Variants in ATF7IP2 observed in about 807,000 individuals in gnomAD.
ATF7IP2 encodes the protein activating transcription factor 7-interacting protein 2.
Under a neutral mutation model 64.2 loss-of-function variants are expected in ATF7IP2, and 42 were observed. The observed-to-expected ratio is 0.65, with a 90% CI of 0.51 to 0.85. The LOEUF (loss-of-function observed/expected upper bound fraction) is 0.85. ATF7IP2 is among the 40% of genes least tolerant of loss of function. ATF7IP2 has a pLI of 0.00. For synonymous variants in ATF7IP2, 308 were observed against 272.8 expected (o/e 1.13, Z -1.27); for missense variants, 933 against 784.2 (o/e 1.19, Z -2.27).
intron 1 of ATF7IP2, among the ~76,000 whole-genome samples, chr16:10,397,062 C>T (rs550532417): frequency 6.6e-6 from 1 of 152,310 alleles, no homozygotes; most frequent in Admixed American, 6.5e-5. Flanking sequence ...TCTGTTTACC[C>T]AGCACCATTT....
chr16:10,418,516 T>C (rs985601687), intron 2 of ATF7IP2, among the ~76,000 whole-genome samples: 3 of 152,190 alleles, frequency 2.0e-5, no homozygotes, highest in Non-Finnish European at 4.4e-5. Context: ...CTGCAGACTA[T>C]ACAAAGACAA....
intron 8 of ATF7IP2, among the ~76,000 whole-genome samples, chr16:10,452,146 C>A (rs2049005749): frequency 6.6e-6 from 1 of 152,164 alleles, no homozygotes; most frequent in South Asian, 2.1e-4. Context: ...ATTCTCCGTC[C>A]AGTTTTGGTC....
chr16:10,405,201 A>G (rs1158429647), intron 1 of ATF7IP2, among the ~76,000 whole-genome samples: 1 of 143,904 alleles, frequency 6.9e-6, no homozygotes, highest in Non-Finnish European at 1.5e-5. Flanking sequence ...GGTCTCTACT[A>G]AAAAAAAAAA....
At chr16:10,430,495 T>C in intron 4 of ATF7IP2, 116 bp from the exon 5 acceptor site, 1 of 622,534 alleles carries the variant, frequency 1.6e-6, no homozygotes, top group Admixed American at 3.2e-5. Flanking sequence ...ATTATCTAAA[T>C]ATGGAGAGAC....
chr16:10,432,499 G>C (rs2048289097), intron 5 of ATF7IP2, among the ~76,000 whole-genome samples: 1 of 152,080 alleles, frequency 6.6e-6, no homozygotes, highest in Non-Finnish European at 1.5e-5. Context: ...ACAGCACTTT[G>C]GGAGGCCGAG....
chr16:10,474,045 A>G (rs2049911470), intron 12 of ATF7IP2, 56 bp downstream of exon 12: 4 of 1,125,774 alleles, frequency 3.6e-6, no homozygotes, highest in Non-Finnish European at 5.3e-6. Context: ...GTAACAACTC[A>G]TAATGCACTG....
At chr16:10,443,735 C>A (rs2048708271) in intron 8 of ATF7IP2, among the ~76,000 whole-genome samples, 1 of 152,090 alleles carries the variant, frequency 6.6e-6, no homozygotes. Flanking sequence ...AAATGTATTT[C>A]AAGGAGGCTA....
intron 1 of ATF7IP2, among the ~76,000 whole-genome samples, chr16:10,397,009 A>T (rs2047432975): frequency 6.6e-6 from 1 of 152,118 alleles, no homozygotes; most frequent in African/African-American, 2.4e-5. Flanking sequence ...TGATTTTTGT[A>T]TATGGTGTGA....
intron 4 of ATF7IP2, among the ~76,000 whole-genome samples, chr16:10,429,881 C>G (rs1213205136): frequency 2.1e-5 from 3 of 140,842 alleles, no homozygotes; most frequent in Non-Finnish European, 4.6e-5. Flanking sequence ...TTTAGACTGT[C>G]TCACTCTGTT....
chr16:10,476,436 C>A (rs1189591663), intron 12 of ATF7IP2, among the ~76,000 whole-genome samples: 1 of 152,078 alleles, frequency 6.6e-6, no homozygotes, highest in Non-Finnish European at 1.5e-5. Context: ...TCATACTTTC[C>A]AATATAAACC....
In ATF7IP2 at chr16:10,480,840, C is replaced by A. The variant is rs1226102582; in HGVS notation, c.1550-39C>A. 3.8e-6 allele frequency: 5 copies of A among 1,308,860 alleles called. No individual in the cohort carries two copies. The African/African-American group carries it at 4.4e-5, about 11-fold the overall frequency. 81.1% of individuals were successfully genotyped at this position (1,308,860 alleles called of 1,614,324 possible). ...TTAAAGGCTATGGAATTGATTATTG[C>A]AGATAAGATTTACTTCTTAAACCTT... On this transcript the variant is annotated intron_variant, in intron 12 of 13. Transcript: ENST00000562102.
intron 1 of ATF7IP2, among the ~76,000 whole-genome samples, chr16:10,414,321 C>A (rs2047827111): frequency 6.6e-6 from 1 of 151,798 alleles, no homozygotes; most frequent in Non-Finnish European, 1.5e-5. Flanking sequence ...AATTAAAAAG[C>A]CTTGTCAAGC....
chr16:10,429,685 C>T (rs1409947905), intron 4 of ATF7IP2, among the ~76,000 whole-genome samples: 1 of 130,874 alleles, frequency 7.6e-6, no homozygotes, highest in African/African-American at 2.8e-5. Flanking sequence ...TGTTATGTAT[C>T]TTAGTGCTGG....
At chr16:10,411,356 T>G (rs534946288) in intron 1 of ATF7IP2, among the ~76,000 whole-genome samples, 26 of 121,478 alleles carry the variant, frequency 2.1e-4, no homozygotes, top group African/African-American at 7.7e-4. Flanking sequence ...TTTTTGTTTT[T>G]TTTTTTTTGG....
chr16:10,414,517 C>CT (rs1324903766), intron 1 of ATF7IP2, 57 bp from the exon 2 acceptor site: 1 of 151,750 alleles, frequency 6.6e-6, no homozygotes, highest in African/African-American at 2.4e-5. Flanking sequence ...TAGGCTTCAC[C>CT]TTTCTCTGGT....
chr16:10,408,895 T>A (rs1338365575), intron 1 of ATF7IP2, among the ~76,000 whole-genome samples: 3 of 152,228 alleles, frequency 2.0e-5, no homozygotes, highest in African/African-American at 7.2e-5. Flanking sequence ...TTTGGGTTTT[T>A]GGTCATGAAA....
chr16:10,471,950 T>A (rs1024829316), intron 9 of ATF7IP2, 160 bp from the exon 10 acceptor site: 1 of 436,802 alleles, frequency 2.3e-6, no homozygotes, highest in Non-Finnish European at 4.1e-6. Flanking sequence ...TAAATGGAGT[T>A]TTTTTGGGTA....
intron 3 of ATF7IP2, among the ~76,000 whole-genome samples, chr16:10,421,873 G>A (rs895036315): frequency 2.6e-4 from 40 of 152,318 alleles, no homozygotes; most frequent in Admixed American, 2.0e-3. Context: ...GTTGTTTACC[G>A]CAGGAATTGT....
chr16:10,396,425 G>A (rs1045909614), intron 1 of ATF7IP2, among the ~76,000 whole-genome samples: 1 of 152,096 alleles, frequency 6.6e-6, no homozygotes, highest in South Asian at 2.1e-4. Flanking sequence ...TCCCTATGCT[G>A]TCGGGGTCAT....
Sources: gnomAD v4.1 joint callset for allele counts (sites outside exome capture counted in the v4.1 genomes callset) on GRCh38, gnomAD v4.1.1 for gene constraint, MANE v1.5 for transcripts, NCBI Gene and HGNC (gene_info 2026-07-23, HGNC 2026-07-21) for gene names.